Variants in PDE4D observed in about 807,000 individuals in gnomAD.
PDE4D encodes 3',5'-cyclic-AMP phosphodiesterase 4D.
A neutral mutation model predicts 87.4 loss-of-function variants in PDE4D; 24 were observed. The ratio of observed to expected loss-of-function variants is 0.27; its 90% CI spans 0.20 to 0.39. PDE4D has a LOEUF of 0.39. PDE4D is among the 10% of genes least tolerant of loss of function. The pLI is 1.00. For missense variants in PDE4D, 714 were observed against 1,041.0 expected, an observed-to-expected ratio of 0.69 and a Z score of 4.32; for synonymous variants, 384 against 383.2, an observed-to-expected ratio of 1.00 and a Z score of -0.02.
chr5:59,320,457 A>G (rs923386002), intron 1 of PDE4D, among the ~76,000 whole-genome samples: 1 of 152,100 alleles, frequency 6.6e-6, no homozygotes, highest in African/African-American at 2.4e-5. Flanking sequence ...AGAAACCCAT[A>G]CACAGGAGGA....
intron 2 of PDE4D, among the ~76,000 whole-genome samples, chr5:60,033,309 T>G (rs1767446197): frequency 6.6e-6 from 1 of 152,156 alleles, no homozygotes; most frequent in East Asian, 1.9e-4. Context: ...GTCTGATAAC[T>G]ACCTCATAAA....
rs796731261 is a variant in PDE4D at position 60,485,784 on chromosome 5, A to G, written c.-90+2158T>C. Among the ~76,000 whole-genome samples the G allele has an allele frequency of 5.1e-3, 776 of 152,146 alleles. 9 individuals carry two copies. Among genetic ancestry groups the G allele is most frequent in the African/African-American group, 0.017 (722 of 41,484 alleles). ...TGGGCACCTGGCACCTCTAGACTCC[A>G]TTTCTTAAAGCTCTGTTCTTTCACA... On this transcript the variant is annotated intron_variant, in intron 1 of 16. Coordinates refer to the PDE4D transcript ENST00000502484.
intron 5 of PDE4D, chr5:59,165,093 AAATT>A (rs1336651604): frequency 6.6e-6 from 1 of 152,178 alleles, no homozygotes; most frequent in South Asian, 2.1e-4. Flanking sequence ...AGTGAGAAAT[AAATT>A]AATAAAATAA....
chr5:60,455,615 A>G (rs1746411168), intron 1 of PDE4D, among the ~76,000 whole-genome samples: 4 of 152,184 alleles, frequency 2.6e-5, no homozygotes, highest in Admixed American at 2.6e-4. Context: ...ACACACCTTT[A>G]CAGTCCAGTA....
intron 10 of PDE4D, 44 bp downstream of exon 10, chr5:58,989,711 T>C: frequency 7.5e-7 from 1 of 1,336,214 alleles, no homozygotes; most frequent in Non-Finnish European, 1.0e-6. Flanking sequence ...TAGACCTTTA[T>C]GAGTGGCAAG....
intron 5 of PDE4D, among the ~76,000 whole-genome samples, chr5:59,170,327 T>C (rs1443486889): frequency 6.6e-6 from 1 of 152,116 alleles, no homozygotes; most frequent in Non-Finnish European, 1.5e-5. Context: ...CTAAGGGTAG[T>C]TTTTCTGATC....
chr5:59,886,537 TAAAG>T (rs1304538353), intron 1 of PDE4D, among the ~76,000 whole-genome samples: 1 of 151,570 alleles, frequency 6.6e-6, no homozygotes, highest in Non-Finnish European at 1.5e-5. Context: ...AATAAAAAAA[TAAAG>T]AAAAGAAAAA....
At chr5:59,944,502 G>C (rs1437427804) in intron 3 of PDE4D, among the ~76,000 whole-genome samples, 1 of 152,162 alleles carries the variant, frequency 6.6e-6, no homozygotes, top group African/African-American at 2.4e-5. Context: ...CTCCCGAGTA[G>C]CTGGGATTAC....
intron 1 of PDE4D, among the ~76,000 whole-genome samples, chr5:59,668,852 GAAGAAGAAGAAGAAGAAGAAGAA>G (rs1746622474): frequency 1.9e-5 from 1 of 51,814 alleles, no homozygotes; most frequent in African/African-American, 1.0e-4. Flanking sequence ...AGAGGAAGAA[GAAGAAGAAGAAGAAGAAGAAGAA>G]GAAGAAGAAG....
chr5:59,869,778 C>A (rs886582105), intron 1 of PDE4D, among the ~76,000 whole-genome samples: 8 of 152,122 alleles, frequency 5.3e-5, no homozygotes, highest in African/African-American at 1.9e-4. Flanking sequence ...AATTTTCTTA[C>A]TATCTGCTAT....
intron 1 of PDE4D, among the ~76,000 whole-genome samples, chr5:59,390,232 C>T (rs1787967426): frequency 6.6e-6 from 1 of 152,242 alleles, no homozygotes; most frequent in South Asian, 2.1e-4. Context: ...GTGTGAGATA[C>T]TCACTTGCCC....
At chr5:59,193,351 A>C in intron 3 of PDE4D, 149 bp downstream of exon 3, 1 of 757,420 alleles carries the variant, frequency 1.3e-6, no homozygotes, top group Non-Finnish European at 2.2e-6. Context: ...TTTCTCTAGC[A>C]TTGCTTTTGA....
At chr5:60,500,025 C>T (rs984937642) in intron 1 of PDE4D, among the ~76,000 whole-genome samples, 6 of 152,042 alleles carry the variant, frequency 3.9e-5, no homozygotes, top group African/African-American at 1.2e-4. Flanking sequence ...AACTAAAACC[C>T]AGGCTGGGTG....
At chr5:59,379,894 C>T (rs1339000411) in intron 1 of PDE4D, among the ~76,000 whole-genome samples, 1 of 152,012 alleles carries the variant, frequency 6.6e-6, no homozygotes, top group Admixed American at 6.6e-5. Context: ...GAGTATATTG[C>T]GTGATGCTGA....
chr5:59,654,068 TG>T (rs1743971013), intron 1 of PDE4D, among the ~76,000 whole-genome samples: 1 of 152,206 alleles, frequency 6.6e-6, no homozygotes, highest in African/African-American at 2.4e-5. Context: ...TAGCCAGGCA[TG>T]GTGCCATGCA....
rs545525151 is a variant in PDE4D, at chr5:59,317,256, C to T, written c.456-101288G>A. On this transcript the variant is annotated intron_variant, in intron 1 of 14. Transcript: ENST00000340635. ...GCCAAGGAAAGTTTTAAGAAGGCCA[C>T]GTGCTGGCCCTTCAGAAGCAGCTGC... Among the ~76,000 whole-genome samples the T allele has an allele frequency of 3.9e-5, 6 of 152,298 alleles. No homozygotes were observed. In the East Asian group the frequency reaches 7.7e-4, roughly 20 times the overall value.
At chr5:59,200,044 TATGTACACACATGC>T (rs1194737907) in intron 2 of PDE4D, among the ~76,000 whole-genome samples, 199 of 46,398 alleles carry the variant, frequency 4.3e-3, no homozygotes, top group African/African-American at 0.01. Context: ...CACACACACG[TATGTACACACATGC>T]ATGTACACAC....
intron 1 of PDE4D, among the ~76,000 whole-genome samples, chr5:60,504,323 A>C (rs895348481): frequency 1.3e-5 from 2 of 149,824 alleles, no homozygotes; most frequent in African/African-American, 2.5e-5. Flanking sequence ...CTGCTTCTCT[A>C]GTTCTTTTAA....
intron 1 of PDE4D, among the ~76,000 whole-genome samples, chr5:60,450,217 G>T (rs76553111): frequency 0.011 from 1,613 of 152,068 alleles, 32 homozygotes; most frequent in African/African-American, 0.037. Context: ...AGATATGATT[G>T]GTGGGGATTC....
Sources: allele counts gnomAD v4.1 joint callset (sites outside exome capture counted in the v4.1 genomes callset), GRCh38; gene constraint gnomAD v4.1.1; transcripts MANE v1.5; gene names NCBI Gene and HGNC (gene_info 2026-07-23, HGNC 2026-07-21).